DOK6: variants seen among roughly 807,000 people sequenced by gnomAD.
DOK6 encodes the protein docking protein 6.
In DOK6, 22 loss-of-function variants were observed where a neutral mutation model predicts 44.0. The ratio of observed to expected loss-of-function variants is 0.50; its 90% confidence interval spans 0.36 to 0.71. The LOEUF is 0.71. Among genes scored for constraint, DOK6 ranks in the 30% least tolerant of loss-of-function variants. The pLI is 0.00. For synonymous variants in DOK6, 166 were observed against 145.5 expected, an observed-to-expected ratio of 1.14 and a Z score of -1.01; for missense variants, 340 against 416.4, an observed-to-expected ratio of 0.82 and a Z score of 1.60.
intron 3 of DOK6, among the ~76,000 whole-genome samples, chr18:69,628,251 G>C (rs1984605347): frequency 6.6e-6 from 1 of 152,144 alleles, no homozygotes; most frequent in Admixed American, 6.5e-5. Context: ...CATTTTTTGG[G>C]AGGCTGAGGC....
Position 69,613,234 on chromosome 18 carries a change from C to T in DOK6, c.289+13736C>T, listed in dbSNP as rs1185320394. Among the ~76,000 whole-genome samples the T allele has an allele frequency of 2.6e-5, 4 of 152,084 alleles. 1 individual carries two copies. The highest frequency in any genetic ancestry group is 5.9e-5 in the Non-Finnish European group (4 of 68,010). ...TTTGTGCTTGTGATGTGAGAGTGAACAACCAGCGTGCTGCGTATGTGTGTG... is the reference window on the plus strand; with the variant it reads ...TTTGTGCTTGTGATGTGAGAGTGAATAACCAGCGTGCTGCGTATGTGTGTG... On this transcript the variant is annotated intron_variant, in intron 3 of 7. Transcript: ENST00000382713.
intron 1 of DOK6, among the ~76,000 whole-genome samples, chr18:69,500,909 A>C (rs558840797): frequency 6.6e-6 from 1 of 152,284 alleles, no homozygotes; most frequent in East Asian, 1.9e-4. Flanking sequence ...ATTTATAAAC[A>C]CATGTATTTT....
Position 69,599,444 on chromosome 18 carries a change from G to T in DOK6, c.235G>T (p.Ala79Ser), listed in dbSNP as rs1186032205. The change falls in exon 3 of 8, where the codon GCG becomes TCG. Residue 79 changes from alanine (A) to serine (S), a missense_variant. Ala to Ser is a moderately conservative substitution (Grantham distance 99, BLOSUM62 1). This residue lies in a region of DOK6 where 206 missense variants were observed against 258.6 expected (regional missense o/e 0.80). Transcript: ENST00000382713. Reference sequence around the variant, plus strand: ...ACTGCCCCGAGAGACAAAGAAGCATGCGGTGGCAATCATCTTTCACGATGA... The same window carrying T: ...ACTGCCCCGAGAGACAAAGAAGCATTCGGTGGCAATCATCTTTCACGATGA... Reference protein sequence around the residue: ...TRLPRETKKHAVAIIFHDETS... With the variant: ...TRLPRETKKHSVAIIFHDETS... 1 of 1,613,988 alleles carries T rather than the reference G, an allele frequency of 6.2e-7. No homozygotes were observed. Among genetic ancestry groups the T allele is most frequent in the Non-Finnish European group, 8.5e-7 (1 of 1,179,950 alleles).
At chr18:69,641,440 G>A (rs1302870633) in intron 3 of DOK6, among the ~76,000 whole-genome samples, 1 of 152,060 alleles carries the variant, frequency 6.6e-6, no homozygotes, top group Middle Eastern at 3.2e-3. Flanking sequence ...TGGAAAAATT[G>A]GATAAAAATT....
At chr18:69,482,956 G>A (rs538348864) in intron 1 of DOK6, among the ~76,000 whole-genome samples, 2 of 151,868 alleles carry the variant, frequency 1.3e-5, no homozygotes, top group East Asian at 3.9e-4. Context: ...TGTGTCATGG[G>A]GGTTTGCGGT....
intron 1 of DOK6, among the ~76,000 whole-genome samples, chr18:69,557,927 C>CT (rs559131578): frequency 2.8e-4 from 42 of 152,118 alleles, no homozygotes; most frequent in Non-Finnish European, 4.6e-4. Flanking sequence ...CCCGAAGAGA[C>CT]TGCCCCATCT....
At chr18:69,435,583 T>A (rs1425286654) in intron 1 of DOK6, among the ~76,000 whole-genome samples, 1 of 152,198 alleles carries the variant, frequency 6.6e-6, no homozygotes, top group Non-Finnish European at 1.5e-5. Context: ...GATCTTGAAG[T>A]AGATCTTTGG....
At chr18:69,564,673 A>G (rs1982926746) in intron 2 of DOK6, 79 bp downstream of exon 2, 1 of 1,159,458 alleles carries the variant, frequency 8.6e-7, no homozygotes, top group East Asian at 2.6e-5. Flanking sequence ...GATAAATGAA[A>G]TCTTCAGTGG....
chr18:69,641,215 A>G (rs909358551), intron 3 of DOK6, among the ~76,000 whole-genome samples: 1 of 149,592 alleles, frequency 6.7e-6, no homozygotes, highest in Non-Finnish European at 1.5e-5. Flanking sequence ...CTCCGTCTCA[A>G]AAAAAAAGAA....
At chr18:69,703,285 T>C (rs1174727261) in intron 5 of DOK6, among the ~76,000 whole-genome samples, 1 of 152,234 alleles carries the variant, frequency 6.6e-6, no homozygotes, top group Admixed American at 6.5e-5. Context: ...CAATTAGATA[T>C]TATGATTTAA....
At chr18:69,464,404 T>C (rs1192331825) in intron 1 of DOK6, among the ~76,000 whole-genome samples, 1 of 152,244 alleles carries the variant, frequency 6.6e-6, no homozygotes, top group African/African-American at 2.4e-5. Flanking sequence ...GGCAGTGGCC[T>C]ATTCCGAATG....
chr18:69,623,815 A>T (rs1373048666), intron 3 of DOK6, among the ~76,000 whole-genome samples: 1 of 152,216 alleles, frequency 6.6e-6, no homozygotes, highest in African/African-American at 2.4e-5. Context: ...GGTTATAATG[A>T]CATAATTAGT....
At chr18:69,811,506 C>T (rs1981224498) in intron 7 of DOK6, among the ~76,000 whole-genome samples, 1 of 134,900 alleles carries the variant, frequency 7.4e-6, no homozygotes, top group African/African-American at 3.0e-5. Context: ...TACTAATTAG[C>T]TTGATTTAAC....
chr18:69,434,450 A>G (rs1978890879), intron 1 of DOK6, among the ~76,000 whole-genome samples: 1 of 152,166 alleles, frequency 6.6e-6, no homozygotes, highest in Admixed American at 6.5e-5. Flanking sequence ...GGAGATTTGC[A>G]TGTGGCATGT....
chr18:69,518,623 G>C (rs937188626), intron 1 of DOK6, among the ~76,000 whole-genome samples: 6 of 151,972 alleles, frequency 3.9e-5, no homozygotes, highest in African/African-American at 1.5e-4. Flanking sequence ...GGTAACTGTG[G>C]GATATGCAAA....
chr18:69,698,738 C>T, intron 5 of DOK6, 145 bp downstream of exon 5: 1 of 687,396 alleles, frequency 1.5e-6, no homozygotes, highest in Non-Finnish European at 2.2e-6. Context: ...TACATAATTT[C>T]TTCAGATTCT....
chr18:69,803,630 G>T (rs1480743171), intron 7 of DOK6, among the ~76,000 whole-genome samples: 2 of 152,140 alleles, frequency 1.3e-5, no homozygotes, highest in East Asian at 3.8e-4. Context: ...TTGGGAGGCC[G>T]AGGCAGGTGG....
At chr18:69,704,255 G>C (rs1268162371) in intron 5 of DOK6, among the ~76,000 whole-genome samples, 1 of 152,074 alleles carries the variant, frequency 6.6e-6, no homozygotes, top group Non-Finnish European at 1.5e-5. Flanking sequence ...ATCTGCGAGG[G>C]GACAAGTAGG....
intron 3 of DOK6, among the ~76,000 whole-genome samples, chr18:69,616,071 T>G (rs1041085986): frequency 6.6e-6 from 1 of 152,212 alleles, no homozygotes; most frequent in Non-Finnish European, 1.5e-5. Context: ...AAAATACTGA[T>G]GTATCCTGGT....
Sources: gnomAD v4.1 joint callset for allele counts (sites outside exome capture counted in the v4.1 genomes callset) on GRCh38, gnomAD v4.1.1 for gene constraint, gnomAD v4.1.1 regional missense constraint, MANE v1.5 for transcripts, NCBI Gene and HGNC (gene_info 2026-07-23, HGNC 2026-07-21) for gene names.